NOTCH1: variants seen among roughly 807,000 people sequenced by gnomAD.
The protein encoded by NOTCH1 is neurogenic locus notch homolog protein 1.
Under a neutral mutation model 254.8 loss-of-function variants are expected in NOTCH1, and 37 were observed. That is an observed-to-expected ratio of 0.15 (90% confidence interval 0.11 to 0.19). The LOEUF (loss-of-function observed/expected upper bound fraction) is 0.19. Among genes scored for constraint, NOTCH1 ranks in the 10% least tolerant of loss-of-function variants. NOTCH1 has a pLI of 1.00. For synonymous variants in NOTCH1, 1,731 were observed against 1,618.1 expected (o/e 1.07, Z -1.68); for missense variants, 2,972 against 3,708.6 (o/e 0.80, Z 5.16).
At chr9:136,543,599 G>A (rs530934758) in intron 2 of NOTCH1, 14 of 353,432 alleles carry the variant, frequency 4.0e-5, no homozygotes, top group African/African-American at 1.8e-4. Context: ...CATCACCCCC[G>A]AGAGGAGGCA....
chr9:136,500,425 CA>C, intron 31 of NOTCH1, 126 bp downstream of exon 31: 25 of 1,170,032 alleles, frequency 2.1e-5, no homozygotes, highest in Non-Finnish European at 3.1e-5. Context: ...CAGGTGGAGG[CA>C]CCAGTTGTCC....
In NOTCH1 at chr9:136,510,770, G is replaced by C. The variant is rs2133353482; in HGVS notation, c.2623C>G (p.Leu875Val). 6.2e-7 allele frequency: 1 copy of C among 1,610,392 alleles called. No individual in the cohort carries two copies. The highest frequency in any genetic ancestry group is 8.5e-7 in the Non-Finnish European group (1 of 1,179,874). Reference protein sequence around the residue: ...TCEVDINECVLSPCRHGASCQ... With the variant: ...TCEVDINECVVSPCRHGASCQ... ...GATGCGCCGTGCCGGCACGGGCTCA[G>C]AACGCACTCGTTGATGTCGACCTCA... The change falls in exon 17 of 34, where the codon CTG becomes GTG. Residue 875 changes from leucine to valine, a missense_variant. Coordinates refer to ENST00000651671, the MANE Select transcript of NOTCH1 (RefSeq NM_017617.5).
intron 2 of NOTCH1, chr9:136,543,649 G>A (rs1218078609): frequency 3.2e-5 from 13 of 404,326 alleles, no homozygotes; most frequent in East Asian, 1.1e-4. Context: ...CAGAGGAGGC[G>A]CCCCAAGTTG....
rs2133379417 is a variant in NOTCH1 at position 136,523,856 on chromosome 9, G to C, written c.264C>G (p.Ser88Arg). The part of the protein sequence containing the change: ...DRRGVADYAC[S>R]CALGFSGPLC... ...GGGGCCCAGAGAAGCCCAGGGCACA[G>C]CTGCAGGCATAGTCTGCCACGCCTC... The change falls in exon 3 of 34, where the codon AGC becomes AGG. Residue 88 changes from serine (S) to arginine (R), a missense_variant. Ser to Arg is a moderately radical substitution (Grantham distance 110). Around this residue, in one of 8 missense-constraint regions of NOTCH1, gnomAD observed 374 missense variants for 496.3 expected, o/e 0.75. Transcript: ENST00000651671. The C allele has an allele frequency of 6.2e-7, 1 of 1,611,692 alleles. No individual in the cohort carries two copies. Among genetic ancestry groups the C allele is most frequent in the Non-Finnish European group, 8.5e-7 (1 of 1,179,568 alleles).
Position 136,518,637 on chromosome 9 carries a change from A to G in NOTCH1, c.1053T>C (p.His351=), listed in dbSNP as rs2133370779. ...CGCAGTAGAAGGAGGCCACACGGTC[A>G]TGGCAGGTGGCGCCGTGGAAGCAGG... ...SAACFHGATC[H]DRVASFYCEC... Residue 351 remains histidine, a synonymous_variant, in exon 6 of 34, where the codon CAT becomes CAC. Transcript: ENST00000651671. 2 of 1,612,688 alleles carry G rather than the reference A, an allele frequency of 1.2e-6. No individual in the cohort carries two copies. The highest frequency in any genetic ancestry group is 2.2e-5 in the East Asian group (1 of 44,876).
chr9:136,528,998 C>A (rs1043684743), intron 2 of NOTCH1, among the ~76,000 whole-genome samples: 1 of 152,208 alleles, frequency 6.6e-6, no homozygotes, highest in African/African-American at 2.4e-5. Flanking sequence ...GGGCTTTCTG[C>A]CCAGAGGGGA....
rs531114104 is a variant in NOTCH1 at position 136,532,976 on chromosome 9, C to T, written c.141-8997G>A. On this transcript the variant is annotated intron_variant, in intron 2 of 33. Transcript: ENST00000651671. ...ACTGCCCACCTGGCCCCAGGGCTGC[C>T]GACAGCCCAGCCAGGCCCGTCCACC... Among the ~76,000 whole-genome samples the T allele has an allele frequency of 1.9e-3, 284 of 152,348 alleles. 2 individuals carry two copies. Among genetic ancestry groups the T allele is most frequent in the African/African-American group, 6.5e-3 (271 of 41,584 alleles).
At chr9:136,503,653 G>A (rs1042616863) in intron 26 of NOTCH1, among the ~76,000 whole-genome samples, 6 of 152,216 alleles carry the variant, frequency 3.9e-5, no homozygotes, top group Non-Finnish European at 7.4e-5. Context: ...TGTGCCAGGA[G>A]CCCAGTCCTC....
chr9:136,521,304 G>A (rs1230487973), intron 4 of NOTCH1, among the ~76,000 whole-genome samples: 1 of 152,094 alleles, frequency 6.6e-6, no homozygotes, highest in Non-Finnish European at 1.5e-5. Context: ...CAGCCTCTGA[G>A]ATCTACCCAC....
intron 2 of NOTCH1, 116 bp downstream of exon 2, chr9:136,543,908 C>T (rs909289893): frequency 9.9e-7 from 1 of 1,005,376 alleles, no homozygotes; most frequent in Admixed American, 2.0e-5. Context: ...TGACCGTGCC[C>T]AGACTCTGGG....
chr9:136,535,137 C>A (rs1245435648), intron 2 of NOTCH1, among the ~76,000 whole-genome samples: 1 of 151,526 alleles, frequency 6.6e-6, no homozygotes, highest in Non-Finnish European at 1.5e-5. Context: ...CTGCCCCACC[C>A]CCGCCCCACA....
At position 136,506,742 on chromosome 9, in the gene NOTCH1, T is replaced by G; in HGVS notation, c.3875A>C (p.His1292Pro). Reference sequence around the variant, plus strand: ...GGTGTGACCAGCACGGCACTCGCAGTGGAAGTCATTGACGCGCTGCACGCA... The same window carrying G: ...GGTGTGACCAGCACGGCACTCGCAGGGGAAGTCATTGACGCGCTGCACGCA... ...QNCVQRVNDF[H>P]CECRAGHTGR... is the part of the protein sequence containing the mutation. The change falls in exon 23 of 34, where the codon CAC becomes CCC. Residue 1292 changes from histidine (H) to proline (P), a missense_variant. His to Pro is a moderately conservative substitution (Grantham distance 77). Coordinates refer to ENST00000651671, the MANE Select transcript of NOTCH1 (RefSeq NM_017617.5). The surrounding 1 kb of genome is among the most constrained non-coding windows in gnomAD (Gnocchi z 4.5). 1 of 1,602,544 alleles carries G rather than the reference T, an allele frequency of 6.2e-7. No homozygotes were observed. Among genetic ancestry groups the G allele is most frequent in the Non-Finnish European group, 8.5e-7 (1 of 1,175,316 alleles).
At position 136,495,535 on chromosome 9, in the gene NOTCH1, C is replaced by G. The variant is rs758075333; in HGVS notation, c.*536G>C. On this transcript the variant is annotated 3_prime_UTR_variant, in exon 34 of 34. Coordinates refer to ENST00000651671, the MANE Select transcript of NOTCH1 (RefSeq NM_017617.5). ...GGTGAGCCAGCTTTGCCTCCGTTTG[C>G]CTCTGGATGCAGCTTCTCCTAACAG... The G allele has an allele frequency of 1.5e-5, 6 of 399,600 alleles. No individual in the cohort carries two copies. Among genetic ancestry groups the G allele is most frequent in the Non-Finnish European group, 2.6e-5 (6 of 226,740 alleles). The allele number at this position is 399,600 out of a possible 1,614,324, so 24.8% of individuals were successfully genotyped here. A position where few individuals can be genotyped will look rare whatever the true frequency, so the allele number is the denominator to read the frequency against.
intron 6 of NOTCH1, 111 bp from the exon 7 acceptor site, chr9:136,518,403 C>A: frequency 1.4e-6 from 2 of 1,410,712 alleles, no homozygotes; most frequent in Non-Finnish European, 1.9e-6. Context: ...CCCGCCGTGA[C>A]CCCGTCGGGC....
intron 13 of NOTCH1, 51 bp downstream of exon 13, chr9:136,514,459 G>A (rs1201502761): frequency 6.5e-6 from 10 of 1,530,354 alleles, no homozygotes; most frequent in Non-Finnish European, 7.9e-6. Flanking sequence ...TGGCAGCAGA[G>A]CTCCCAGGGT....
chr9:136,523,698 G>A lies in NOTCH1; in HGVS notation c.403+19C>T, dbSNP rs1240391047. On this transcript the variant is annotated intron_variant, in intron 3 of 33. Coordinates refer to ENST00000651671, the MANE Select transcript of NOTCH1 (RefSeq NM_017617.5). ...GGGCCTGGGTCTGCCCACCCCTCAG[G>A]CTGTGGGTCCTCCCTCACCTGACCA... 2 of 1,591,442 alleles carry A rather than the reference G, an allele frequency of 1.3e-6. No individual in the cohort carries two copies. The highest frequency in any genetic ancestry group is 2.3e-5 in the East Asian group (1 of 43,990).
intron 2 of NOTCH1, among the ~76,000 whole-genome samples, chr9:136,536,434 G>C (rs1051247631): frequency 5.3e-5 from 8 of 152,322 alleles, no homozygotes; most frequent in Admixed American, 4.6e-4. Flanking sequence ...AGGGTCCAGG[G>C]GGAGAAGCAG....
chr9:136,515,747 A>T lies in NOTCH1; in HGVS notation c.1670-31T>A, dbSNP rs551326446. ...CCGTGGGAGGGGCGGGCACAGGAAG[A>T]CTTAGGACTGGCGGCCCCCGGGACA... On this transcript the variant is annotated intron_variant, in intron 10 of 33. Coordinates refer to ENST00000651671, the MANE Select transcript of NOTCH1 (RefSeq NM_017617.5). 12 of 1,522,768 alleles carry T rather than the reference A, an allele frequency of 7.9e-6. No individual in the cohort carries two copies. In the African/African-American group the frequency reaches 1.6e-4, roughly 21 times the overall value. The allele number at this position is 1,522,768 out of a possible 1,614,324, so 94.3% of individuals were successfully genotyped here. A position where few individuals can be genotyped will look rare whatever the true frequency, so the allele number is the denominator to read the frequency against.
chr9:136,526,912 C>T (rs1001103489), intron 2 of NOTCH1, among the ~76,000 whole-genome samples: 4 of 152,204 alleles, frequency 2.6e-5, no homozygotes, highest in South Asian at 4.1e-4. Context: ...AGGAGGCTCC[C>T]GTGGGGGAAT....
Sources: gnomAD v4.1 joint callset for allele counts (sites outside exome capture counted in the v4.1 genomes callset) on GRCh38, gnomAD v4.1.1 for gene constraint, gnomAD v4.1.1 regional missense constraint, Gnocchi (gnomAD v3.1) non-coding constraint, MANE v1.5 for transcripts, NCBI Gene and HGNC (gene_info 2026-07-23, HGNC 2026-07-21) for gene names.